PTCH2: variants seen among roughly 807,000 people sequenced by gnomAD.
PTCH2 encodes the protein patched 2.
A neutral mutation model predicts 117.9 loss-of-function variants in PTCH2; 96 were observed. That is an observed-to-expected ratio of 0.81 (90% CI 0.69 to 0.96). The LOEUF is 0.96. Among genes scored for constraint, PTCH2 ranks in the 50% least tolerant of loss-of-function variants. The probability of loss-of-function intolerance (pLI) is 0.00; values close to 1 mark genes in which losing one functional copy is unlikely to be tolerated. For missense variants in PTCH2, 1,379 were observed against 1,562.5 expected, an observed-to-expected ratio of 0.88 and a Z score of 1.98; for synonymous variants, 615 against 660.9, an observed-to-expected ratio of 0.93 and a Z score of 1.06.
chr1:44,836,231 C>T (rs967493588), intron 2 of PTCH2, among the ~76,000 whole-genome samples: 4 of 152,174 alleles, frequency 2.6e-5, no homozygotes, highest in East Asian at 1.9e-4. Context: ...TGAAGGATTT[C>T]GGCATAGGAT....
downstream of PTCH2, chr1:44,820,343 C>G: frequency 1.9e-6 from 1 of 526,652 alleles, no homozygotes. Flanking sequence ...GGTGCGGAGT[C>G]CTTTGCGGAG....
chr1:44,828,121 C>T lies in PTCH2; in HGVS notation c.1780G>A (p.Ala594Thr), dbSNP rs147669300. The change falls in exon 14 of 22, where the codon GCC (alanine) becomes ACC (threonine). Residue 594 changes from alanine to threonine, a missense_variant. Ala to Thr is a moderately conservative substitution (Grantham distance 58). Coordinates refer to ENST00000372192, the MANE Select transcript of PTCH2 (RefSeq NM_003738.5). ...GCTTGAACTGTGGCAGTGAGGTGGG[C>T]AATGCCCACTGGTACTGTCCCGTCC... The part of the protein sequence containing the change: ...LGDGTVPVGI[A>T]HLTATVQAFT... 6.4e-5 allele frequency: 103 copies of T among 1,613,884 alleles called. No individual in the cohort carries two copies. The African/African-American group carries it at 1.3e-3, about 20-fold the overall frequency.
chr1:44,831,683 A>C lies in PTCH2; in HGVS notation c.617+23T>G, dbSNP rs1469222190. On this transcript the variant is annotated intron_variant, in intron 5 of 21. Coordinates refer to ENST00000372192, the MANE Select transcript of PTCH2 (RefSeq NM_003738.5). This position sits in a 1 kb window ranked among gnomAD's most constrained non-coding sequence, Gnocchi z 4.3. ...GAGAGTCCCCAGCGGGAGATGAAGC[A>C]GGGCCCCAGGAGTGGCACTCACGGC... 1 of 1,537,782 alleles carries C rather than the reference A, an allele frequency of 6.5e-7. No homozygotes were observed. Among genetic ancestry groups the C allele is most frequent in the Non-Finnish European group, 8.8e-7 (1 of 1,133,630 alleles).
chr1:44,841,249 A>G lies in PTCH2; in HGVS notation c.265+598T>C, dbSNP rs185387892. On this transcript the variant is annotated intron_variant, in intron 2 of 21. Coordinates refer to ENST00000372192, the MANE Select transcript of PTCH2 (RefSeq NM_003738.5). The stretch of plus-strand genomic sequence containing the variant: ...CATTCTTCTTTTATGCTTCCTTAAG[A>G]AAGTGAGGATTTGATTCCATCTGAC... Among the ~76,000 whole-genome samples, 30 of 150,224 alleles carry G rather than the reference A, an allele frequency of 2.0e-4. No homozygotes were observed. In the East Asian group the frequency reaches 4.8e-3, roughly 24 times the overall value.
chr1:44,828,182 A>G lies in PTCH2; in HGVS notation c.1719T>C (p.Ser573=). Residue 573 remains serine, a synonymous_variant, in exon 14 of 22, where the codon TCT becomes TCC. Coordinates refer to ENST00000372192, the MANE Select transcript of PTCH2 (RefSeq NM_003738.5). ...DVLCCFSSPC[S]AQVIQILPQE... The stretch of plus-strand genomic sequence containing the variant: ...GGGGCAGGATCTGAATCACCTGAGC[A>G]GAGCAGGGACTGGAAGAGGTAGAGA... 6.2e-7 allele frequency: 1 copy of G among 1,613,650 alleles called. No individual in the cohort carries two copies. The highest frequency in any genetic ancestry group is 2.2e-5 in the East Asian group (1 of 44,892).
chr1:44,821,757 C>A, downstream of PTCH2: 1 of 1,292,092 alleles, frequency 7.7e-7, no homozygotes, highest in Non-Finnish European at 1.0e-6. Context: ...GTATAGTAAG[C>A]ACTTAATCCA....
rs1652950478 is a variant in PTCH2, at chr1:44,822,488, T to C, written c.3539A>G (p.Glu1180Gly). ...AGTGGCAGCAGGGGACCAAGGGGGC[T>C]CATCAGGGGCTGGATGGATGTAGGC... Reference protein sequence around the residue: ...PGAYIHPAPDEPPWSPAATSS... With the variant: ...PGAYIHPAPDGPPWSPAATSS... The change falls in exon 22 of 22, where the codon GAG (glutamate) becomes GGG (glycine). Residue 1180 changes from glutamate (E) to glycine (G), a missense_variant. Coordinates refer to ENST00000372192, the MANE Select transcript of PTCH2 (RefSeq NM_003738.5). The C allele has an allele frequency of 6.2e-7, 1 of 1,613,746 alleles. No individual in the cohort carries two copies. Among genetic ancestry groups the C allele is most frequent in the South Asian group, 1.1e-5 (1 of 91,082 alleles).
Position 44,831,974 on chromosome 1 carries a change from C to T in PTCH2, c.525+1G>A, listed in dbSNP as rs2148880017. 3.7e-6 allele frequency: 6 copies of T among 1,610,958 alleles called. No homozygotes were observed. Among genetic ancestry groups the T allele is most frequent in the Non-Finnish European group, 5.1e-6 (6 of 1,177,118 alleles). On this transcript the variant is annotated splice_donor_variant, in intron 4 of 21. Coordinates refer to ENST00000372192, the MANE Select transcript of PTCH2 (RefSeq NM_003738.5). LOFTEE classifies it high-confidence loss of function. This position sits in a 1 kb window ranked among gnomAD's most constrained non-coding sequence, Gnocchi z 4.3. Reference sequence around the variant, plus strand: ...CCTCTACTCCCTCTCAGGACACTTACCCGCTCAATCATTCCATTTTCAATA... The same window carrying T: ...CCTCTACTCCCTCTCAGGACACTTATCCGCTCAATCATTCCATTTTCAATA...
At position 44,822,380 on chromosome 1, in the gene PTCH2, G is replaced by T. The variant is rs200055458; in HGVS notation, c.*35C>A. On this transcript the variant is annotated 3_prime_UTR_variant, in exon 22 of 22. Coordinates refer to ENST00000372192, the MANE Select transcript of PTCH2 (RefSeq NM_003738.5). ...CCAGTGCTTCCCAGTGACCCCACAC[G>T]CCCCACACATGGTCTCTGTGCTTCA... 6.2e-7 allele frequency: 1 copy of T among 1,612,694 alleles called. No individual in the cohort carries two copies. Among genetic ancestry groups the T allele is most frequent in the Non-Finnish European group, 8.5e-7 (1 of 1,180,012 alleles).
intron 2 of PTCH2, 101 bp downstream of exon 2, chr1:44,841,746 C>T: frequency 1.5e-6 from 2 of 1,365,900 alleles, no homozygotes; most frequent in Non-Finnish European, 2.1e-6. Context: ...ACCCTCCAGC[C>T]CCAGGGCCAG....
Position 44,826,919 on chromosome 1 carries a change from G to T in PTCH2, c.2678C>A (p.Thr893Lys). ...PEWLHDKYDT[T>K]GENLRIPPAQ... ...AGACTCACTGCGAAGGTTCTCCCCC[G>T]TGGTGTCGTATTTGTCGTGCAGCCA... The change falls in exon 17 of 22, where the codon ACG becomes AAG. Residue 893 changes from threonine (T) to lysine (K), a missense_variant. Coordinates refer to ENST00000372192, the MANE Select transcript of PTCH2 (RefSeq NM_003738.5). The surrounding 1 kb of genome is among the most constrained non-coding windows in gnomAD (Gnocchi z 5.1). 3.7e-6 allele frequency: 6 copies of T among 1,614,020 alleles called. No homozygotes were observed. The highest frequency in any genetic ancestry group is 5.1e-6 in the Non-Finnish European group (6 of 1,180,016).
chr1:44,835,063 G>T (rs1447545093), intron 2 of PTCH2, among the ~76,000 whole-genome samples: 1 of 152,068 alleles, frequency 6.6e-6, no homozygotes, highest in Admixed American at 6.5e-5. Context: ...ATTGATACAT[G>T]AAAAAACAAC....
In PTCH2 at chr1:44,827,653, A is replaced by G; in HGVS notation, c.2120T>C (p.Val707Ala). The change falls in exon 15 of 22, where the codon GTG (valine) becomes GCG (alanine). Residue 707 changes from valine to alanine, a missense_variant. Coordinates refer to ENST00000372192, the MANE Select transcript of PTCH2 (RefSeq NM_003738.5). ...ATCCGTCAGGGCCAGGCCGTCTTGCACCAAGGTGGCTCCGTAGAGGCTCAG... is the reference window on the plus strand; with the variant it reads ...ATCCGTCAGGGCCAGGCCGTCTTGCGCCAAGGTGGCTCCGTAGAGGCTCAG... Reference protein sequence around the residue: ...LGLSLYGATLVQDGLALTDVV... With the variant: ...LGLSLYGATLAQDGLALTDVV... 6.2e-7 allele frequency: 1 copy of G among 1,613,244 alleles called. No individual in the cohort carries two copies. The highest frequency in any genetic ancestry group is 8.5e-7 in the Non-Finnish European group (1 of 1,180,018).
rs190167510 is a variant in PTCH2, at chr1:44,834,705, G to C, written c.266-2364C>G. Among the ~76,000 whole-genome samples the C allele has an allele frequency of 7.9e-5, 12 of 152,324 alleles. No homozygotes were observed. In the East Asian group the frequency reaches 2.1e-3, roughly 27 times the overall value. On this transcript the variant is annotated intron_variant, in intron 2 of 21. Coordinates refer to ENST00000372192, the MANE Select transcript of PTCH2 (RefSeq NM_003738.5). ...GGGGAGAAAATGGGGCAGAGAAAAA[G>C]ATAAACCTTAGTTGACAAAGATAGA... is the stretch of plus-strand genomic sequence containing the variant.
chr1:44,833,853 G>A (rs1301299473), intron 2 of PTCH2, among the ~76,000 whole-genome samples: 1 of 151,408 alleles, frequency 6.6e-6, no homozygotes, highest in East Asian at 1.9e-4. Context: ...CCCCAAGTTG[G>A]TCTTAAATTC....
intron 13 of PTCH2, 45 bp downstream of exon 13, chr1:44,828,251 G>A (rs1653254054): frequency 1.9e-6 from 3 of 1,612,410 alleles, no homozygotes; most frequent in South Asian, 2.2e-5. Context: ...GAGGGGACAG[G>A]CTGGCGTGGG....
In PTCH2 at chr1:44,826,788, G is replaced by A. The variant is rs1294931618; in HGVS notation, c.2696-20C>T. On this transcript the variant is annotated intron_variant, in intron 17 of 21. Coordinates refer to ENST00000372192, the MANE Select transcript of PTCH2 (RefSeq NM_003738.5). This position sits in a 1 kb window ranked among gnomAD's most constrained non-coding sequence, Gnocchi z 5.1. ...GCGGGACTGTGGAGGGGAGGGGAAG[G>A]GAGAAGAGGGAGAGGGACAGGGCGG... The A allele has an allele frequency of 2.5e-6, 4 of 1,601,874 alleles. No individual in the cohort carries two copies. The South Asian group carries it at 4.4e-5, about 18-fold the overall frequency.
rs1557644727 is a variant in PTCH2, at chr1:44,827,968, G to A, written c.1933C>T (p.Leu645Phe). The change falls in exon 14 of 22, where the codon CTT (leucine) becomes TTT (phenylalanine). Residue 645 changes from leucine (L) to phenylalanine (F), a missense_variant. By Grantham distance (22) the Leu-to-Phe change is conservative. Transcript: ENST00000372192. ...CTTGTCTCCTCCTCCTGGCCTAGAA[G>A]GTCCCGTGTGGACCCTCCAGGGCTG... ...LFSPGGSTRD[L>F]LGQEEETRQK... The A allele has an allele frequency of 1.9e-6, 3 of 1,614,220 alleles. No homozygotes were observed. Among genetic ancestry groups the A allele is most frequent in the Non-Finnish European group, 2.5e-6 (3 of 1,180,048 alleles).
intron 2 of PTCH2, among the ~76,000 whole-genome samples, chr1:44,839,359 C>T (rs1451916863): frequency 1.9e-5 from 1 of 52,990 alleles, no homozygotes; most frequent in Non-Finnish European, 3.4e-5. Context: ...AAGACTTACT[C>T]TCAAAAAAAA....
Sources: allele counts gnomAD v4.1 joint callset (sites outside exome capture counted in the v4.1 genomes callset), GRCh38; gene constraint gnomAD v4.1.1; non-coding constraint Gnocchi (gnomAD v3.1); transcripts MANE v1.5; gene names NCBI Gene and HGNC (gene_info 2026-07-23, HGNC 2026-07-21).